Variants in TYW1B observed in about 807,000 individuals in gnomAD.
TYW1B encodes the protein tRNA-yW synthesizing protein 1 homolog B, also known as S-adenosyl-L-methionine-dependent tRNA 4-demethylwyosine synthase TYW1B.
TYW1B carries 73 observed loss-of-function variants against 86.9 expected under a neutral mutation model. The ratio of observed to expected loss-of-function variants is 0.84; its 90% CI spans 0.70 to 1.02. The LOEUF is 1.02. Among genes scored for constraint, TYW1B ranks in the 50% least tolerant of loss-of-function variants. The pLI is 0.00. For missense variants in TYW1B, 637 were observed against 827.4 expected, an observed-to-expected ratio of 0.77 and a Z score of 2.82; for synonymous variants, 248 against 292.8, an observed-to-expected ratio of 0.85 and a Z score of 1.56.
At chr7:72,717,459 G>C (rs782357651) in intron 9 of TYW1B, among the ~76,000 whole-genome samples, 4 of 152,086 alleles carry the variant, frequency 2.6e-5, no homozygotes, top group Non-Finnish European at 5.9e-5. Flanking sequence ...GGATTCAGAT[G>C]TTCCTCATAG....
At chr7:72,815,086 A>G (rs7778751) in intron 3 of TYW1B, among the ~76,000 whole-genome samples, 2,713 of 145,450 alleles carry the variant, frequency 0.019, 76 homozygotes, top group African/African-American at 0.058. Flanking sequence ...AAAAAAAAAA[A>G]AAAAGAAAAT....
chr7:72,799,765 G>T (rs1788373376), intron 6 of TYW1B, among the ~76,000 whole-genome samples: 1 of 152,084 alleles, frequency 6.6e-6, no homozygotes, highest in Non-Finnish European at 1.5e-5. Context: ...GCACCTGCAG[G>T]TCTGCCTTTT....
intron 2 of TYW1B, among the ~76,000 whole-genome samples, chr7:72,821,973 A>G (rs1297674865): frequency 6.6e-6 from 1 of 151,972 alleles, no homozygotes; most frequent in African/African-American, 2.4e-5. Context: ...AGGGCCAGGC[A>G]CGTGGCTCAA....
At chr7:72,711,725 G>A (rs1786672600) in intron 10 of TYW1B, among the ~76,000 whole-genome samples, 4 of 151,816 alleles carry the variant, frequency 2.6e-5, no homozygotes, top group Admixed American at 2.6e-4. Flanking sequence ...CTGACCTGGT[G>A]ATCCGCCCGT....
At chr7:72,638,657 C>T (rs1340534648) in intron 11 of TYW1B, among the ~76,000 whole-genome samples, 1 of 152,186 alleles carries the variant, frequency 6.6e-6, no homozygotes, top group African/African-American at 2.4e-5. Context: ...AAGTCCTAAT[C>T]AATGCAGTAA....
intron 13 of TYW1B, among the ~76,000 whole-genome samples, chr7:72,610,115 G>A (rs1203408078): frequency 9.2e-5 from 14 of 152,174 alleles, no homozygotes; most frequent in Admixed American, 2.6e-4. Context: ...AAATAGAACT[G>A]CTAGGTATCT....
chr7:72,619,379 C>T lies in TYW1B; in HGVS notation c.1618-2540G>A, dbSNP rs572487256. Among the ~76,000 whole-genome samples, 214 of 152,228 alleles carry T rather than the reference C, an allele frequency of 1.4e-3. 1 individual carries two copies. Among genetic ancestry groups the T allele is most frequent in the Middle Eastern group, 0.014 (4 of 294 alleles). ...ATTACGGGCCGGGCGCGGTGGCTCA[C>T]GCCTGTAATCCCAGCACTTTGGGAG... On this transcript the variant is annotated intron_variant, in intron 12 of 13. Coordinates refer to ENST00000620995, the MANE Select transcript of TYW1B (RefSeq NM_001145440.3).
At chr7:72,616,881 C>A in intron 12 of TYW1B, 42 bp from the exon 13 acceptor site, 5 of 1,604,272 alleles carry the variant, frequency 3.1e-6, no homozygotes, top group Non-Finnish European at 4.3e-6. Flanking sequence ...TACAGACCTA[C>A]CTGCATGTCA....
chr7:72,774,112 G>T (rs1160826353), intron 7 of TYW1B, among the ~76,000 whole-genome samples: 1 of 151,174 alleles, frequency 6.6e-6, no homozygotes, highest in African/African-American at 2.4e-5. Context: ...AATGAAAAGA[G>T]GGAGAGAGGA....
intron 11 of TYW1B, among the ~76,000 whole-genome samples, chr7:72,644,831 T>C (rs1554441846): frequency 6.8e-6 from 1 of 146,532 alleles, no homozygotes; most frequent in African/African-American, 2.5e-5. Flanking sequence ...CTTTCCTTTT[T>C]TTTTTTTTTT....
chr7:72,690,314 G>T (rs1361641008), intron 11 of TYW1B, among the ~76,000 whole-genome samples: 4 of 152,160 alleles, frequency 2.6e-5, no homozygotes, highest in Admixed American at 2.6e-4. Context: ...TTAAAAAAAG[G>T]ACTGTTTGAC....
At chr7:72,595,007 CAT>C (rs1201416670) in intron 13 of TYW1B, among the ~76,000 whole-genome samples, 2 of 152,106 alleles carry the variant, frequency 1.3e-5, no homozygotes, top group African/African-American at 4.8e-5. Context: ...ATAAAAGCCA[CAT>C]ATGAAAAAAC....
chr7:72,711,306 C>G (rs1286781410), intron 10 of TYW1B, among the ~76,000 whole-genome samples: 5 of 152,058 alleles, frequency 3.3e-5, no homozygotes, highest in Admixed American at 3.3e-4. Context: ...CAAAGAGACA[C>G]AGAAGCAGTC....
At chr7:72,627,651 T>C (rs1812381081) in intron 12 of TYW1B, among the ~76,000 whole-genome samples, 1 of 151,980 alleles carries the variant, frequency 6.6e-6, no homozygotes, top group African/African-American at 2.4e-5. Flanking sequence ...AAAGAAACAT[T>C]TGCAAAAATG....
At chr7:72,755,943 A>C (rs1382049606) in intron 7 of TYW1B, among the ~76,000 whole-genome samples, 2 of 152,130 alleles carry the variant, frequency 1.3e-5, no homozygotes, top group Non-Finnish European at 2.9e-5. Flanking sequence ...GAAAACGGGC[A>C]GGGGCAGTCC....
chr7:72,808,021 C>A (rs1387032759), intron 4 of TYW1B, among the ~76,000 whole-genome samples: 29 of 151,708 alleles, frequency 1.9e-4, no homozygotes, highest in African/African-American at 3.9e-4. Context: ...ATTCCTTGAA[C>A]CCTGGAGGCA....
intron 11 of TYW1B, among the ~76,000 whole-genome samples, chr7:72,669,303 C>A (rs1342873549): frequency 4.0e-5 from 6 of 151,744 alleles, no homozygotes; most frequent in African/African-American, 1.5e-4. Flanking sequence ...TGCCACCACG[C>A]CCGGCTAATT....
At chr7:72,739,131 A>C (rs1787254510) in intron 8 of TYW1B, among the ~76,000 whole-genome samples, 1 of 152,090 alleles carries the variant, frequency 6.6e-6, no homozygotes, top group South Asian at 2.1e-4. Flanking sequence ...TATTATTTAC[A>C]TTTTACATGA....
intron 2 of TYW1B, among the ~76,000 whole-genome samples, chr7:72,816,878 G>T (rs1157085729): frequency 6.6e-6 from 1 of 152,062 alleles, no homozygotes; most frequent in Non-Finnish European, 1.5e-5. Context: ...CTCCATAGCT[G>T]GCCCTGTGCA....
Sources: gnomAD v4.1 joint callset for allele counts (sites outside exome capture counted in the v4.1 genomes callset) on GRCh38, gnomAD v4.1.1 for gene constraint, MANE v1.5 for transcripts, NCBI Gene and HGNC (gene_info 2026-07-23, HGNC 2026-07-21) for gene names.